CPQ: variants seen among roughly 807,000 people sequenced by gnomAD.
The protein encoded by CPQ is Ser-Met dipeptidase.
In CPQ, 37 loss-of-function variants were observed where a neutral mutation model predicts 45.7. The observed-to-expected ratio is 0.81, with a 90% CI of 0.62 to 1.07. The LOEUF (loss-of-function observed/expected upper bound fraction) is 1.07. Among genes scored for constraint, CPQ ranks in the 50% least tolerant of loss-of-function variants. The pLI is 0.00. For synonymous variants in CPQ, 186 were observed against 205.8 expected (o/e 0.90, Z 0.82); for missense variants, 537 against 572.9 (o/e 0.94, Z 0.64).
intron 1 of CPQ, among the ~76,000 whole-genome samples, chr8:96,734,840 T>C (rs1387107598): frequency 6.6e-6 from 1 of 152,182 alleles, no homozygotes; most frequent in Middle Eastern, 3.2e-3. Context: ...ACAAGGTCTT[T>C]GTGATCTGGC....
At chr8:96,920,215 A>G (rs1812788433) in intron 4 of CPQ, among the ~76,000 whole-genome samples, 1 of 152,116 alleles carries the variant, frequency 6.6e-6, no homozygotes, top group Non-Finnish European at 1.5e-5. Context: ...GGGGTTGGGA[A>G]CTGGGCACAG....
chr8:96,850,530 C>CA (rs1811756214), intron 3 of CPQ, among the ~76,000 whole-genome samples: 1 of 151,766 alleles, frequency 6.6e-6, no homozygotes, highest in East Asian at 1.9e-4. Context: ...GTAAATACTC[C>CA]AAAAAGGCAT....
At chr8:96,802,387 T>C (rs938086913) in intron 2 of CPQ, among the ~76,000 whole-genome samples, 1 of 152,152 alleles carries the variant, frequency 6.6e-6, no homozygotes, top group Non-Finnish European at 1.5e-5. Context: ...TAAAGAAACA[T>C]TTTGTGATGC....
chr8:96,807,304 C>T (rs554985312), intron 2 of CPQ, among the ~76,000 whole-genome samples: 1 of 151,964 alleles, frequency 6.6e-6, no homozygotes, highest in South Asian at 2.1e-4. Context: ...GGTGCAATCT[C>T]CTCACTGCAA....
intron 1 of CPQ, among the ~76,000 whole-genome samples, chr8:96,736,619 T>G (rs1809985403): frequency 6.6e-6 from 1 of 152,172 alleles, no homozygotes; most frequent in African/African-American, 2.4e-5. Context: ...ATCTTCTTAC[T>G]GATAGGGATG....
At chr8:96,866,663 T>G (rs2130871031) in intron 3 of CPQ, among the ~76,000 whole-genome samples, 1 of 152,196 alleles carries the variant, frequency 6.6e-6, no homozygotes, top group African/African-American at 2.4e-5. Flanking sequence ...TTGGATGATT[T>G]GACTTACCCT....
At chr8:97,055,081 T>C (rs1163248982) in intron 6 of CPQ, among the ~76,000 whole-genome samples, 1 of 152,150 alleles carries the variant, frequency 6.6e-6, no homozygotes, top group Non-Finnish European at 1.5e-5. Context: ...AGCTTCTATG[T>C]TTTCAATGCT....
At position 96,763,462 on chromosome 8, in the gene CPQ, C is replaced by G. The variant is rs147791490; in HGVS notation, c.-34-21402C>G. On this transcript the variant is annotated intron_variant, in intron 1 of 7. Coordinates refer to ENST00000220763, the MANE Select transcript of CPQ (RefSeq NM_016134.4). ...ACTGAACTATTTGTCTATCTTTGCTCTAATATCATACTGTCTGGATTACTT... is the reference window on the plus strand; with the variant it reads ...ACTGAACTATTTGTCTATCTTTGCTGTAATATCATACTGTCTGGATTACTT... Among the ~76,000 whole-genome samples the G allele has an allele frequency of 4.1e-3, 621 of 152,206 alleles. 4 individuals carry two copies. The highest frequency in any genetic ancestry group is 5.9e-3 in the Non-Finnish European group (403 of 68,010).
At chr8:97,111,805 C>T (rs1018244900) in intron 7 of CPQ, among the ~76,000 whole-genome samples, 4 of 152,200 alleles carry the variant, frequency 2.6e-5, no homozygotes, top group Admixed American at 2.0e-4. Flanking sequence ...TTGAACAAAA[C>T]AAGAGGAGTC....
intron 3 of CPQ, among the ~76,000 whole-genome samples, chr8:96,863,592 A>G (rs1811959905): frequency 6.6e-6 from 1 of 152,000 alleles, no homozygotes; most frequent in Non-Finnish European, 1.5e-5. Context: ...AGGAGAGGAA[A>G]AGGATTCCTA....
In CPQ at chr8:96,826,262, A is replaced by T. The variant is rs372884851; in HGVS notation, c.434-8711A>T. Among the ~76,000 whole-genome samples the T allele has an allele frequency of 9.5e-4, 144 of 152,182 alleles. 2 individuals are homozygous for T. The highest frequency in any genetic ancestry group is 9.1e-3 in the South Asian group (44 of 4,824). On this transcript the variant is annotated intron_variant, in intron 2 of 7. Coordinates refer to ENST00000220763, the MANE Select transcript of CPQ (RefSeq NM_016134.4). ...TGTGTGATAGGAGGAGGAAGTAGTT[A>T]TCTAATTTTCACTGAACAATCTTCC...
chr8:97,024,904 C>A (rs1480524992), intron 5 of CPQ, among the ~76,000 whole-genome samples: 1 of 152,114 alleles, frequency 6.6e-6, no homozygotes, highest in Non-Finnish European at 1.5e-5. Flanking sequence ...ATATTTACTG[C>A]AGAAGGAAGT....
At chr8:96,762,603 A>T (rs940411227) in intron 1 of CPQ, among the ~76,000 whole-genome samples, 10 of 152,166 alleles carry the variant, frequency 6.6e-5, no homozygotes, top group African/African-American at 2.4e-4. Flanking sequence ...GACTAAGGAA[A>T]TAGTATCCAG....
chr8:96,893,070 A>G (rs568682241), intron 4 of CPQ, among the ~76,000 whole-genome samples: 11 of 152,318 alleles, frequency 7.2e-5, no homozygotes, highest in African/African-American at 2.6e-4. Flanking sequence ...ATGCTGTTAT[A>G]TCCATATAAC....
At chr8:96,682,158 G>A (rs571775463) in intron 1 of CPQ, among the ~76,000 whole-genome samples, 17 of 152,234 alleles carry the variant, frequency 1.1e-4, no homozygotes, top group African/African-American at 3.6e-4. Flanking sequence ...ATGAGATTTG[G>A]GAGGGGCCAG....
intron 4 of CPQ, among the ~76,000 whole-genome samples, chr8:96,927,639 G>A (rs1271035565): frequency 1.3e-5 from 2 of 152,124 alleles, no homozygotes; most frequent in Non-Finnish European, 2.9e-5. Context: ...TCAAACAACT[G>A]GTGCTGCAGA....
chr8:96,978,823 G>C (rs187229616), intron 5 of CPQ, among the ~76,000 whole-genome samples: 1 of 152,264 alleles, frequency 6.6e-6, no homozygotes, highest in Non-Finnish European at 1.5e-5. Flanking sequence ...TGGTAGGGCT[G>C]TCTGGAAAAC....
At chr8:96,868,715 C>T (rs1165726597) in intron 3 of CPQ, among the ~76,000 whole-genome samples, 1 of 151,850 alleles carries the variant, frequency 6.6e-6, no homozygotes, top group Non-Finnish European at 1.5e-5. Context: ...TCCCATATTT[C>T]CTCTATTCCC....
Position 97,043,301 on chromosome 8 carries a change from A to G in CPQ, c.1053+13807A>G, listed in dbSNP as rs531146583. ...AAAGTCTGTTTTATCAGAGACTAGG[A>G]TTGCAACCCCTGCCTTTTTTTGTTT... On this transcript the variant is annotated intron_variant, in intron 6 of 7. Coordinates refer to ENST00000220763, the MANE Select transcript of CPQ (RefSeq NM_016134.4). 6.3e-3 allele frequency among the ~76,000 whole-genome samples: 953 copies of G among 151,050 alleles called. 4 individuals carry two copies. Among genetic ancestry groups the G allele is most frequent in the African/African-American group, 0.021 (879 of 41,242 alleles).
Sources: allele counts gnomAD v4.1 joint callset (sites outside exome capture counted in the v4.1 genomes callset), GRCh38; gene constraint gnomAD v4.1.1; transcripts MANE v1.5; gene names NCBI Gene and HGNC (gene_info 2026-07-23, HGNC 2026-07-21).